NR2E1: variants seen among roughly 807,000 people sequenced by gnomAD.
The protein encoded by NR2E1 is nuclear receptor TLX.
Under a neutral mutation model 43.6 loss-of-function variants are expected in NR2E1, and 5 were observed. That is an observed-to-expected ratio of 0.11 (90% CI 0.06 to 0.24). The LOEUF (loss-of-function observed/expected upper bound fraction) is 0.24, where lower values mean the gene tolerates loss of function less well. NR2E1 is among the 10% of genes least tolerant of loss of function. The pLI is 1.00. For synonymous variants in NR2E1, 191 were observed against 195.5 expected, an observed-to-expected ratio of 0.98 and a Z score of 0.19; for missense variants, 287 against 496.7, an observed-to-expected ratio of 0.58 and a Z score of 4.01.
intron 4 of NR2E1, 80 bp from the exon 5 acceptor site, chr6:108,178,015 A>G (rs1248379413): frequency 2.7e-6 from 4 of 1,485,118 alleles, no homozygotes; most frequent in Non-Finnish European, 3.8e-6. Flanking sequence ...CCTTGCTTTA[A>G]TTAGAAATTA....
intron 3 of NR2E1, among the ~76,000 whole-genome samples, chr6:108,175,568 A>G (rs1562403875): frequency 6.6e-6 from 1 of 152,212 alleles, no homozygotes; most frequent in Non-Finnish European, 1.5e-5. Flanking sequence ...GCGCAACAGC[A>G]AGAACCAGGA....
chr6:108,184,320 A>G (rs1222533804), intron 8 of NR2E1, among the ~76,000 whole-genome samples: 3 of 152,228 alleles, frequency 2.0e-5, no homozygotes, highest in Non-Finnish European at 4.4e-5. Context: ...AGGACGTGGT[A>G]TCCAGTTATT....
Position 108,166,929 on chromosome 6 carries a change from C to A in NR2E1, c.25+139C>A. 1.1e-6 allele frequency: 1 copy of A among 927,636 alleles called. No individual in the cohort carries two copies. The highest frequency in any genetic ancestry group is 1.7e-5 in the African/African-American group (1 of 60,350). The allele number at this position is 927,636 out of a possible 1,614,324, so 57.5% of individuals were successfully genotyped here. ...TTCCAGCGGGCGTGTGCGTTCGGCC[C>A]AGACCTGTAGACCGTGAGTTGGAGC... On this transcript the variant is annotated intron_variant, in intron 1 of 8. Coordinates refer to ENST00000368986, the MANE Select transcript of NR2E1 (RefSeq NM_003269.5). The surrounding 1 kb of genome is among the most constrained non-coding windows in gnomAD (Gnocchi z 7.2).
rs530616347 is a variant in NR2E1, at chr6:108,184,158, C to T, written c.995+2507C>T. 2.6e-5 allele frequency among the ~76,000 whole-genome samples: 4 copies of T among 152,282 alleles called. No individual in the cohort carries two copies. The South Asian group carries it at 8.3e-4, about 32-fold the overall frequency. On this transcript the variant is annotated intron_variant, in intron 8 of 8. Transcript: ENST00000368986. ...AGTGAGCCGAGATTGTGCCACTGCA[C>T]TCCAGCCCCAGGTAACAGAGTGAGT...
intron 8 of NR2E1, among the ~76,000 whole-genome samples, chr6:108,186,545 CT>C (rs1774078212): frequency 6.6e-6 from 1 of 152,144 alleles, no homozygotes; most frequent in South Asian, 2.1e-4. Context: ...GGGAGCTCTC[CT>C]TATGTATATT....
intron 8 of NR2E1, among the ~76,000 whole-genome samples, chr6:108,184,897 CTTAT>C (rs1016468837): frequency 1.8e-4 from 27 of 152,116 alleles, no homozygotes; most frequent in Admixed American, 6.5e-4. Flanking sequence ...AAATAAGTAT[CTTAT>C]TTCTTATTAA....
intron 8 of NR2E1, among the ~76,000 whole-genome samples, chr6:108,185,196 A>T (rs1467298654): frequency 2.0e-5 from 3 of 152,228 alleles, no homozygotes; most frequent in African/African-American, 4.8e-5. Flanking sequence ...GGACGTAAGG[A>T]GAAGGCTAGG....
In NR2E1 at chr6:108,181,605, C is replaced by T; in HGVS notation, c.949C>T (p.Leu317Phe). The T allele has an allele frequency of 6.2e-7, 1 of 1,614,206 alleles. No individual in the cohort carries two copies. The highest frequency in any genetic ancestry group is 8.5e-7 in the Non-Finnish European group (1 of 1,180,036). The change falls in exon 8 of 9, where the codon CTT becomes TTT. Residue 317 changes from leucine to phenylalanine, a missense_variant. This residue lies in a region of NR2E1 where 119 missense variants were observed against 187.0 expected (regional missense o/e 0.64). Transcript: ENST00000368986. ...CCGGAATGCTGCCGCCATTGCAGCC[C>T]TTCAAGATGAGGCTCAGCTAACGCT... is the stretch of plus-strand genomic sequence containing the variant. ...SFRNAAAIAA[L>F]QDEAQLTLNS...
intron 1 of NR2E1, among the ~76,000 whole-genome samples, chr6:108,171,123 CTT>C (rs1016279291): frequency 3.3e-5 from 5 of 152,174 alleles, no homozygotes; most frequent in African/African-American, 1.2e-4. Flanking sequence ...GGCGGCCAAA[CTT>C]TCCGCGGAGC....
rs1773963062 is a variant in NR2E1 at position 108,180,249 on chromosome 6, A to C, written c.643-74A>C. ...TTAAAACACTTTTTAAAATAATGGA[A>C]ATTTACATAGTGAAATTGTTTATAA... On this transcript the variant is annotated intron_variant, in intron 5 of 8. Transcript: ENST00000368986. This position sits in a 1 kb window ranked among gnomAD's most constrained non-coding sequence, Gnocchi z 5.4. The C allele has an allele frequency of 1.0e-6, 1 of 990,484 alleles. No individual in the cohort carries two copies. The highest frequency in any genetic ancestry group is 1.6e-6 in the Non-Finnish European group (1 of 634,946). 61.4% of individuals were successfully genotyped at this position (990,484 alleles called of 1,614,324 possible).
Position 108,176,656 on chromosome 6 carries a change from AGCCGCACG to A in NR2E1, c.417_424del (p.His140GlyfsTer27), listed in dbSNP as rs1403148252. On this transcript the variant is annotated frameshift_variant, in exon 4 of 9. Coordinates refer to ENST00000368986, the MANE Select transcript of NR2E1 (RefSeq NM_003269.5). LOFTEE classifies it high-confidence loss of function. ...TTCTTCACCGCGGTCACGCAGCTGG[AGCCGCACG>A]GCCTGGAGCTGGCCGCGGTGTCCAC... is the stretch of plus-strand genomic sequence containing the variant. 1 of 1,606,826 alleles carries A rather than the reference AGCCGCACG, an allele frequency of 6.2e-7. No homozygotes were observed. The highest frequency in any genetic ancestry group is 8.5e-7 in the Non-Finnish European group (1 of 1,178,532).
intron 5 of NR2E1, chr6:108,178,854 TG>T (rs1313210874): frequency 2.5e-5 from 4 of 162,082 alleles, no homozygotes; most frequent in Non-Finnish European, 4.1e-5. Context: ...TGGTTGTAAA[TG>T]ACATTCAGGG....
rs1773966991 is a variant in NR2E1 at position 108,180,553 on chromosome 6, T to A, written c.739+134T>A. Reference sequence around the variant, plus strand: ...TATACCTGTCATTTATAAATCTATATTTAAATGCAAATAATGTTGTTTTGT... The same window carrying A: ...TATACCTGTCATTTATAAATCTATAATTAAATGCAAATAATGTTGTTTTGT... On this transcript the variant is annotated intron_variant, in intron 6 of 8. Transcript: ENST00000368986. The surrounding 1 kb of genome is among the most constrained non-coding windows in gnomAD (Gnocchi z 5.4). The A allele has an allele frequency of 1.3e-6, 1 of 762,530 alleles. No individual in the cohort carries two copies. Among genetic ancestry groups the A allele is most frequent in the African/African-American group, 1.7e-5 (1 of 57,186 alleles). The allele number at this position is 762,530 out of a possible 1,614,324, so 47.2% of individuals were successfully genotyped here.
intron 5 of NR2E1, among the ~76,000 whole-genome samples, 153 bp downstream of exon 5, chr6:108,178,394 T>A (rs1321194355): frequency 6.6e-6 from 1 of 152,258 alleles, no homozygotes; most frequent in Non-Finnish European, 1.5e-5. Context: ...TACTTGCTTC[T>A]TCCTGTGGGT....
rs899886782 is a variant in NR2E1, at chr6:108,166,728, G to A, written c.-38G>A. 3.9e-6 allele frequency: 6 copies of A among 1,533,182 alleles called. No individual in the cohort carries two copies. The African/African-American group carries it at 7.0e-5, about 18-fold the overall frequency. 95.0% of individuals were successfully genotyped at this position (1,533,182 alleles called of 1,614,324 possible). A position where few individuals can be genotyped will look rare whatever the true frequency, so the allele number is the denominator to read the frequency against. ...GCGGGCGCTGCCGGCCGGGACTCGG[G>A]CAGCGCCCACCAACCGCTCCGCCCC... On this transcript the variant is annotated 5_prime_UTR_variant, in exon 1 of 9. Transcript: ENST00000368986. This position sits in a 1 kb window ranked among gnomAD's most constrained non-coding sequence, Gnocchi z 7.2.
At chr6:108,177,486 A>G in intron 4 of NR2E1, among the ~76,000 whole-genome samples, 1 of 152,226 alleles carries the variant, frequency 6.6e-6, no homozygotes, top group East Asian at 1.9e-4. Flanking sequence ...GGCCAGCTGC[A>G]GCCCCACACT....
intron 1 of NR2E1, among the ~76,000 whole-genome samples, chr6:108,168,435 G>A (rs374810212): frequency 1.1e-4 from 16 of 152,360 alleles, no homozygotes; most frequent in Middle Eastern, 6.8e-3. Flanking sequence ...GGGTGAGCGG[G>A]GAGCTCTGCC....
intron 3 of NR2E1, chr6:108,176,273 T>C: frequency 1.7e-6 from 1 of 591,274 alleles, no homozygotes; most frequent in Non-Finnish European, 3.0e-6. Context: ...CGTGGCACTT[T>C]GAGCACGGGC....
intron 5 of NR2E1, among the ~76,000 whole-genome samples, chr6:108,179,661 C>T (rs145023099): frequency 5.5e-4 from 83 of 152,128 alleles, no homozygotes; most frequent in African/African-American, 1.9e-3. Flanking sequence ...GAAGTGGAAT[C>T]TGGTATATTA....
Sources: allele counts gnomAD v4.1 joint callset (sites outside exome capture counted in the v4.1 genomes callset), GRCh38; gene constraint gnomAD v4.1.1; regional missense constraint gnomAD v4.1.1; non-coding constraint Gnocchi (gnomAD v3.1); transcripts MANE v1.5; gene names NCBI Gene and HGNC (gene_info 2026-07-23, HGNC 2026-07-21).